NHSL2: variants seen among roughly 807,000 people sequenced by gnomAD.
NHSL2 encodes NHS-like protein 2.
Under a neutral mutation model 53.4 loss-of-function variants are expected in NHSL2, and 27 were observed. The ratio of observed to expected loss-of-function variants is 0.51; its 90% confidence interval spans 0.37 to 0.70. The LOEUF (loss-of-function observed/expected upper bound fraction) is 0.70. Among genes scored for constraint, NHSL2 ranks in the 30% least tolerant of loss-of-function variants. NHSL2 has a pLI of 0.00. For missense variants in NHSL2, 892 were observed against 980.1 expected (o/e 0.91, Z 1.20); for synonymous variants, 408 against 404.1 (o/e 1.01, Z -0.12).
intron 1 of NHSL2, among the ~76,000 whole-genome samples, chrX:71,951,191 A>T (rs1794032818): frequency 8.9e-6 from 1 of 112,008 alleles, no homozygotes; most frequent in South Asian, 3.7e-4. Context: ...TATTTGGATT[A>T]TCAGTACTTG....
intron 1 of NHSL2, among the ~76,000 whole-genome samples, chrX:72,055,449 C>T (rs1216952323): frequency 8.9e-6 from 1 of 112,557 alleles, no homozygotes; most frequent in Non-Finnish European, 1.9e-5. Flanking sequence ...CTGTTTGTGT[C>T]TTGCCTATGC....
At chrX:72,119,102 G>A (rs774899788) in intron 1 of NHSL2, among the ~76,000 whole-genome samples, 2 of 111,798 alleles carry the variant, frequency 1.8e-5, no homozygotes. Flanking sequence ...TTTATTTCAG[G>A]ACTCTCAATT....
chrX:71,963,763 A>G (rs1407712144), intron 1 of NHSL2, among the ~76,000 whole-genome samples: 3 of 104,951 alleles, frequency 2.9e-5, no homozygotes, highest in Non-Finnish European at 3.9e-5. Context: ...AGCTCTACAA[A>G]AAATAAAAAA....
At chrX:72,078,210 A>T (rs780004782) in intron 1 of NHSL2, among the ~76,000 whole-genome samples, 1 of 112,339 alleles carries the variant, frequency 8.9e-6, no homozygotes, top group East Asian at 2.8e-4. Context: ...CTTAGCCCCT[A>T]TGCTAATCTG....
At chrX:72,107,250 C>T (rs936585916) in intron 1 of NHSL2, among the ~76,000 whole-genome samples, 70 of 109,953 alleles carry the variant, frequency 6.4e-4, no homozygotes, top group South Asian at 5.9e-3. Context: ...GGTGAAACCC[C>T]GTCTCTACTA....
At chrX:72,123,195 G>A (rs892493276) in intron 1 of NHSL2, among the ~76,000 whole-genome samples, 1 of 112,385 alleles carries the variant, frequency 8.9e-6, no homozygotes, top group Non-Finnish European at 1.9e-5. Flanking sequence ...AGGCCCAGAG[G>A]CATGCAAGGG....
chrX:72,094,744 T>C (rs2041930207), intron 1 of NHSL2, among the ~76,000 whole-genome samples: 1 of 111,496 alleles, frequency 9.0e-6, no homozygotes, highest in Non-Finnish European at 1.9e-5. Flanking sequence ...CCCAAGAGAA[T>C]GATAACCAAA....
At chrX:72,115,945 A>T (rs2042135475) in intron 1 of NHSL2, among the ~76,000 whole-genome samples, 1 of 111,171 alleles carries the variant, frequency 9.0e-6, no homozygotes, top group African/African-American at 3.3e-5. Flanking sequence ...GACAGTTTGA[A>T]TGTCTAGGAG....
chrX:72,134,394 G>A (rs2042336571), intron 3 of NHSL2, 115 bp from the exon 4 acceptor site: 4 of 842,397 alleles, frequency 4.7e-6, no homozygotes, highest in Non-Finnish European at 5.0e-6. Flanking sequence ...GCCTGTCCAC[G>A]CTTTCCTGCC....
chrX:71,922,486 A>G (rs1360917242), intron 1 of NHSL2, among the ~76,000 whole-genome samples: 1 of 112,103 alleles, frequency 8.9e-6, no homozygotes, highest in African/African-American at 3.2e-5. Context: ...CCCAAGCAAT[A>G]CTGTACATCG....
chrX:72,016,897 A>G (rs73634899), intron 1 of NHSL2, among the ~76,000 whole-genome samples: 1,508 of 112,285 alleles, frequency 0.013, 17 homozygotes, highest in African/African-American at 0.046. Flanking sequence ...ACTTCACAGA[A>G]GGGAGTGAAG....
chrX:72,044,654 A>C (rs1602328168), intron 1 of NHSL2: 1 of 1,169,779 alleles, frequency 8.5e-7, no homozygotes, highest in East Asian at 3.0e-5. Context: ...AAGGCCATTA[A>C]GAAATTCGTC....
intron 1 of NHSL2, among the ~76,000 whole-genome samples, chrX:71,983,102 G>A (rs1277682004): frequency 9.0e-6 from 1 of 111,344 alleles, no homozygotes; most frequent in Non-Finnish European, 1.9e-5. Context: ...AATGGGGAGA[G>A]AAAATCCCAC....
chrX:72,134,669 C>T lies in NHSL2; in HGVS notation c.725C>T (p.Ser242Phe), dbSNP rs985064062. 37 of 1,165,920 alleles carry T rather than the reference C, an allele frequency of 3.2e-5. No homozygotes were observed. In the Admixed American group the frequency reaches 9.6e-4, roughly 30 times the overall value. Residue 242 changes from serine to phenylalanine, a missense_variant, in exon 4 of 8, where the codon TCC becomes TTC. By Grantham distance (155) the Ser-to-Phe change is radical. Coordinates refer to ENST00000633930, the MANE Select transcript of NHSL2 (RefSeq NM_001013627.3). Reference protein sequence around the residue: ...LEEKRWPQLCSTQSDIVPINI... With the variant: ...LEEKRWPQLCFTQSDIVPINI... ...GAGAAGCGGTGGCCTCAGCTTTGCT[C>T]CACGCAGTCTGACATTGTGCCCATC... is the stretch of plus-strand genomic sequence containing the variant.
At chrX:72,062,743 A>T in intron 1 of NHSL2, among the ~76,000 whole-genome samples, 1 of 111,586 alleles carries the variant, frequency 9.0e-6, no homozygotes, top group East Asian at 2.8e-4. Flanking sequence ...CCCAAGGGGG[A>T]GGTATGTGGG....
intron 2 of NHSL2, among the ~76,000 whole-genome samples, chrX:72,133,186 C>T (rs961469255): frequency 8.0e-5 from 9 of 112,475 alleles, no homozygotes; most frequent in African/African-American, 2.9e-4. Context: ...TCTGACACAC[C>T]TGACAGCCCC....
At chrX:72,111,720 G>A (rs1440114113) in intron 1 of NHSL2, among the ~76,000 whole-genome samples, 1 of 111,872 alleles carries the variant, frequency 8.9e-6, no homozygotes, top group Non-Finnish European at 1.9e-5. Flanking sequence ...AGAAGCAGGA[G>A]TGGATACTTG....
chrX:72,010,178 T>A (rs2042109974), intron 1 of NHSL2, among the ~76,000 whole-genome samples: 1 of 112,371 alleles, frequency 8.9e-6, no homozygotes, highest in African/African-American at 3.2e-5. Flanking sequence ...CACTGGTTCT[T>A]CCAGGTGGTT....
chrX:72,003,898 G>A (rs1166602201), intron 1 of NHSL2, among the ~76,000 whole-genome samples: 1 of 111,631 alleles, frequency 9.0e-6, no homozygotes, highest in Non-Finnish European at 1.9e-5. Context: ...TGAGCTCCAA[G>A]CAGAGCCACT....
Sources: allele counts gnomAD v4.1 joint callset (sites outside exome capture counted in the v4.1 genomes callset), GRCh38; gene constraint gnomAD v4.1.1; transcripts MANE v1.5; gene names NCBI Gene and HGNC (gene_info 2026-07-23, HGNC 2026-07-21).